Variants in RIMS2 observed in about 807,000 individuals in gnomAD.
The protein encoded by RIMS2 is regulating synaptic membrane exocytosis protein 2.
Under a neutral mutation model 174.4 loss-of-function variants are expected in RIMS2, and 59 were observed. The ratio of observed to expected loss-of-function variants is 0.34; its 90% CI spans 0.27 to 0.42. The LOEUF is 0.42. RIMS2 is among the 10% of genes least tolerant of loss of function. RIMS2 has a pLI of 1.00. For synonymous variants in RIMS2, 606 were observed against 572.5 expected (o/e 1.06, Z -0.84); for missense variants, 1,620 against 1,666.3 (o/e 0.97, Z 0.48).
rs544699688 is a variant in RIMS2, at chr8:103,804,936, A to G, written c.698+38399A>G. 1.5e-4 allele frequency among the ~76,000 whole-genome samples: 23 copies of G among 152,148 alleles called. No homozygotes were observed. In the South Asian group the frequency reaches 4.1e-3, roughly 27 times the overall value. On this transcript the variant is annotated intron_variant, in intron 3 of 23. Transcript: ENST00000504942. Reference sequence around the variant, plus strand: ...CTCAGCCTCCTAAGTAGCTAGGACTATAGGTGAATGCCATCACACCCAGCT... The same window carrying G: ...CTCAGCCTCCTAAGTAGCTAGGACTGTAGGTGAATGCCATCACACCCAGCT...
intron 1 of RIMS2, among the ~76,000 whole-genome samples, chr8:103,528,984 G>A (rs1209547108): frequency 6.6e-6 from 1 of 152,188 alleles, no homozygotes; most frequent in Admixed American, 6.5e-5. Flanking sequence ...ACCTTGGGCA[G>A]TATGGCCAGT....
chr8:103,770,347 G>A (rs780811586), intron 3 of RIMS2, among the ~76,000 whole-genome samples: 1 of 152,132 alleles, frequency 6.6e-6, no homozygotes, highest in Non-Finnish European at 1.5e-5. Flanking sequence ...AGGCCGAGGA[G>A]GGCGGATCAC....
At chr8:103,754,368 A>C (rs1175543169) in intron 2 of RIMS2, among the ~76,000 whole-genome samples, 1 of 152,140 alleles carries the variant, frequency 6.6e-6, no homozygotes, top group South Asian at 2.1e-4. Context: ...CAGTTTTAGA[A>C]TAAGTGCGTT....
At chr8:104,051,828 G>A (rs1008265442) in intron 19 of RIMS2, among the ~76,000 whole-genome samples, 1 of 152,164 alleles carries the variant, frequency 6.6e-6, no homozygotes, top group Non-Finnish European at 1.5e-5. Context: ...AGCACATATA[G>A]TTGTGCTGAT....
At chr8:103,851,879 A>G (rs1392752617) in intron 3 of RIMS2, among the ~76,000 whole-genome samples, 1 of 151,944 alleles carries the variant, frequency 6.6e-6, no homozygotes, top group Non-Finnish European at 1.5e-5. Flanking sequence ...TTTTAGAAAA[A>G]TCATTAATTG....
At chr8:103,938,853 G>A (rs1375268988) in intron 13 of RIMS2, among the ~76,000 whole-genome samples, 2 of 152,192 alleles carry the variant, frequency 1.3e-5, no homozygotes, top group Non-Finnish European at 2.9e-5. Context: ...AATCCAGTGA[G>A]GCTGTCAAAT....
intron 19 of RIMS2, among the ~76,000 whole-genome samples, chr8:104,069,073 A>T (rs1489793319): frequency 6.6e-6 from 1 of 152,238 alleles, no homozygotes; most frequent in African/African-American, 2.4e-5. Flanking sequence ...CACATTCAGT[A>T]GAAGCCATAT....
At chr8:103,798,338 A>G (rs987999832) in intron 3 of RIMS2, among the ~76,000 whole-genome samples, 1 of 152,158 alleles carries the variant, frequency 6.6e-6, no homozygotes, top group Non-Finnish European at 1.5e-5. Context: ...AAATAGGGAA[A>G]TTTGGGAGAA....
chr8:103,759,564 CAAAAAAAAAAAAAA>C (rs35946104), intron 2 of RIMS2, among the ~76,000 whole-genome samples: 1 of 70,020 alleles, frequency 1.4e-5, no homozygotes, highest in South Asian at 6.0e-4. Flanking sequence ...GACTCCGTCT[CAAAAAAAAAAAAAA>C]AAAAAAAAAA....
intron 1 of RIMS2, among the ~76,000 whole-genome samples, chr8:103,628,318 A>G (rs921538724): frequency 2.6e-5 from 4 of 151,696 alleles, no homozygotes; most frequent in African/African-American, 7.3e-5. Flanking sequence ...GAACTTCAAG[A>G]GAAAACCCCT....
intron 19 of RIMS2, 75 bp from the exon 25 acceptor site, chr8:104,148,532 G>A: frequency 3.0e-6 from 4 of 1,320,336 alleles, no homozygotes; most frequent in Non-Finnish European, 4.1e-6. Context: ...TACTCCAAAT[G>A]TTTTATCTAA....
chr8:103,886,143 C>G lies in RIMS2; in HGVS notation c.1544C>G (p.Ser515Ter). Residue 515 changes from serine (S) to a stop codon, truncating the protein, a stop_gained, in exon 4 of 24, where the codon TCA becomes TGA. Coordinates refer to ENST00000504942, the Ensembl canonical transcript of RIMS2. LOFTEE classifies it high-confidence loss of function. ...ATGCGCCAGATTTCGTTGAGCAGTT[C>G]AGAGGAGGAATTGGCTTCCACGCCT... 1 of 1,612,902 alleles carries G rather than the reference C, an allele frequency of 6.2e-7. No homozygotes were observed. The highest frequency in any genetic ancestry group is 8.5e-7 in the Non-Finnish European group (1 of 1,179,330).
At chr8:103,930,915 G>A (rs868574846) in intron 11 of RIMS2, among the ~76,000 whole-genome samples, 35 of 151,974 alleles carry the variant, frequency 2.3e-4, no homozygotes, top group African/African-American at 8.0e-4. Flanking sequence ...TATTGTAGGG[G>A]AACCAAAATG....
At chr8:103,571,748 A>T (rs1309556932) in intron 1 of RIMS2, among the ~76,000 whole-genome samples, 1 of 152,206 alleles carries the variant, frequency 6.6e-6, no homozygotes, top group East Asian at 1.9e-4. Context: ...TGGAAAGTCC[A>T]ATAGGTAACT....
intron 19 of RIMS2, among the ~76,000 whole-genome samples, chr8:104,177,166 T>G (rs1225190624): frequency 6.6e-6 from 1 of 152,140 alleles, no homozygotes; most frequent in Non-Finnish European, 1.5e-5. Flanking sequence ...CTCTGTGAAA[T>G]AAGACAGGTA....
intron 19 of RIMS2, among the ~76,000 whole-genome samples, chr8:104,034,144 T>C (rs543937960): frequency 2.4e-4 from 36 of 152,172 alleles, no homozygotes; most frequent in Non-Finnish European, 4.4e-4. Context: ...TGTGCATCAA[T>C]AGCATATATT....
chr8:103,582,824 A>T (rs1359287025), intron 1 of RIMS2, among the ~76,000 whole-genome samples: 1 of 152,210 alleles, frequency 6.6e-6, no homozygotes, highest in African/African-American at 2.4e-5. Flanking sequence ...CCTGGCCCCC[A>T]GATGGCACCT....
intron 17 of RIMS2, among the ~76,000 whole-genome samples, chr8:104,003,066 C>A (rs1185975530): frequency 1.3e-5 from 2 of 152,018 alleles, no homozygotes; most frequent in African/African-American, 4.8e-5. Flanking sequence ...ATAAATATAA[C>A]CTTTTTTAAC....
intron 1 of RIMS2, among the ~76,000 whole-genome samples, chr8:103,627,959 T>C (rs532350093): frequency 2.6e-5 from 4 of 152,344 alleles, no homozygotes; most frequent in Admixed American, 2.6e-4. Flanking sequence ...GTGGTGAATT[T>C]ACAACTCTCT....
Sources: gnomAD v4.1 joint callset for allele counts (sites outside exome capture counted in the v4.1 genomes callset) on GRCh38, gnomAD v4.1.1 for gene constraint, MANE v1.5 for transcripts, NCBI Gene and HGNC (gene_info 2026-07-23, HGNC 2026-07-21) for gene names.